IPO9: variants seen among roughly 807,000 people sequenced by gnomAD.
IPO9 encodes the protein importin 9.
IPO9 carries 28 observed loss-of-function variants against 128.6 expected under a neutral mutation model. The ratio of observed to expected loss-of-function variants is 0.22; its 90% CI spans 0.16 to 0.30. The LOEUF is 0.30. Among genes scored for constraint, IPO9 ranks in the 10% least tolerant of loss-of-function variants. IPO9 has a pLI of 1.00. For missense variants in IPO9, 935 were observed against 1,293.9 expected (o/e 0.72, Z 4.26); for synonymous variants, 455 against 475.8 (o/e 0.96, Z 0.57).
At chr1:201,866,388 A>G (rs768623517) in intron 14 of IPO9, among the ~76,000 whole-genome samples, 4 of 152,220 alleles carry the variant, frequency 2.6e-5, no homozygotes, top group Admixed American at 6.5e-5. Context: ...CAGTAAAACT[A>G]TAGAGGGAAC....
intron 1 of IPO9, among the ~76,000 whole-genome samples, chr1:201,831,984 C>T (rs902767945): frequency 1.3e-5 from 2 of 152,020 alleles, no homozygotes; most frequent in Non-Finnish European, 2.9e-5. Context: ...TCACTGCAAC[C>T]TCCGCCTCCT....
intron 1 of IPO9, among the ~76,000 whole-genome samples, chr1:201,831,212 A>C (rs1300552829): frequency 6.6e-6 from 1 of 152,084 alleles, no homozygotes; most frequent in African/African-American, 2.4e-5. Context: ...AGAAGTACAG[A>C]ATTTTGATCT....
intron 19 of IPO9, among the ~76,000 whole-genome samples, chr1:201,871,897 A>G (rs958598112): frequency 6.6e-6 from 1 of 152,142 alleles, no homozygotes; most frequent in African/African-American, 2.4e-5. Context: ...TCTACCACAG[A>G]CTTCACACAG....
chr1:201,853,081 T>C lies in IPO9; in HGVS notation c.674T>C (p.Met225Thr), dbSNP rs758610598. The change falls in exon 6 of 24, where the codon ATG becomes ACG. Residue 225 changes from methionine to threonine, a missense_variant. By Grantham distance (81) the Met-to-Thr change is moderately conservative. Around this residue, in one of 3 missense-constraint regions of IPO9, gnomAD observed 741 missense variants for 1,019.1 expected, o/e 0.73. Transcript: ENST00000361565. ...ACTTGTGCCCATATGATCTGTAACA[T>C]GGAGGAGCTGGAAAAGGTAAGCAGG... is the stretch of plus-strand genomic sequence containing the variant. ...FTTCAHMICN[M>T]EELEKGAAKV... 18 of 1,613,968 alleles carry C rather than the reference T, an allele frequency of 1.1e-5. No homozygotes were observed. The highest frequency in any genetic ancestry group is 1.5e-5 in the Non-Finnish European group (18 of 1,179,980).
rs537109710 is a variant in IPO9, at chr1:201,832,792, G to A, written c.163+3420G>A. Among the ~76,000 whole-genome samples the A allele has an allele frequency of 7.9e-5, 12 of 152,296 alleles. 1 individual carries two copies. Among genetic ancestry groups the A allele is most frequent in the Admixed American group, 2.6e-4 (4 of 15,296 alleles). On this transcript the variant is annotated intron_variant, in intron 1 of 23. Coordinates refer to ENST00000361565, the MANE Select transcript of IPO9 (RefSeq NM_018085.5). ...CATGGTCTTTAAGATTAACTGGTCC[G>A]TTCCCTTTGCCAAAAACATTTGTTA... is the stretch of plus-strand genomic sequence containing the variant.
chr1:201,860,047 A>G (rs1334569683), intron 13 of IPO9, among the ~76,000 whole-genome samples: 1 of 151,836 alleles, frequency 6.6e-6, no homozygotes, highest in African/African-American at 2.4e-5. Flanking sequence ...TCTATGTGGC[A>G]TTTTCTGCTA....
chr1:201,862,912 T>C (rs1680475983), intron 13 of IPO9, among the ~76,000 whole-genome samples: 1 of 151,894 alleles, frequency 6.6e-6, no homozygotes, highest in South Asian at 2.1e-4. Context: ...ATATTCAAGA[T>C]CTACTTTGCT....
At chr1:201,861,607 A>G (rs1680449645) in intron 13 of IPO9, among the ~76,000 whole-genome samples, 1 of 152,246 alleles carries the variant, frequency 6.6e-6, no homozygotes, top group African/African-American at 2.4e-5. Flanking sequence ...ATCAGGAAGT[A>G]ACCCCATCAT....
chr1:201,879,714 C>G lies in IPO9; in HGVS notation c.*3660C>G, dbSNP rs1680849091. On this transcript the variant is annotated 3_prime_UTR_variant, in exon 24 of 24. Coordinates refer to ENST00000361565, the MANE Select transcript of IPO9 (RefSeq NM_018085.5). Reference sequence around the variant, plus strand: ...GTGCAGAGTTGAGGACTATAGAGTACTGTGCTGTCACTAACAGTATTGTGT... The same window carrying G: ...GTGCAGAGTTGAGGACTATAGAGTAGTGTGCTGTCACTAACAGTATTGTGT... 6.6e-6 allele frequency: 1 copy of G among 152,146 alleles called. No individual in the cohort carries two copies. Among genetic ancestry groups the G allele is most frequent in the African/African-American group, 2.4e-5 (1 of 41,426 alleles). 9.4% of individuals were successfully genotyped at this position (152,146 alleles called of 1,614,324 possible).
rs1371585793 is a variant in IPO9 at position 201,876,125 on chromosome 1, G to A, written c.*71G>A. 1.0e-6 allele frequency: 1 copy of A among 1,004,990 alleles called. No individual in the cohort carries two copies. Among genetic ancestry groups the A allele is most frequent in the Non-Finnish European group, 1.6e-6 (1 of 623,520 alleles). 62.3% of individuals were successfully genotyped at this position (1,004,990 alleles called of 1,614,324 possible). On this transcript the variant is annotated 3_prime_UTR_variant, in exon 24 of 24. Coordinates refer to ENST00000361565, the MANE Select transcript of IPO9 (RefSeq NM_018085.5). ...CCATTTTGCAGCCCTCACTGGCCTTGAGATGCACTTTCTTCTCAACCTAAA... is the reference window on the plus strand; with the variant it reads ...CCATTTTGCAGCCCTCACTGGCCTTAAGATGCACTTTCTTCTCAACCTAAA...
chr1:201,874,328 A>G lies in IPO9; in HGVS notation c.2789A>G (p.Glu930Gly). Residue 930 changes from glutamate (E) to glycine (G), a missense_variant, in exon 21 of 24, where the codon GAG (glutamate) becomes GGG (glycine). Physicochemically the swap from Glu to Gly is moderately conservative, Grantham distance 98. Around this residue, in one of 3 missense-constraint regions of IPO9, gnomAD observed 188 missense variants for 246.7 expected, o/e 0.76. Transcript: ENST00000361565. Reference protein sequence around the residue: ...LIINELSNVMEANAARQATPA... With the variant: ...LIINELSNVMGANAARQATPA... ...ATCAACGAGCTCTCCAACGTCATGG[A>G]GGCTAATGCCGCTCGCCAGGCCACT... 1 of 1,614,084 alleles carries G rather than the reference A, an allele frequency of 6.2e-7. No individual in the cohort carries two copies. Among genetic ancestry groups the G allele is most frequent in the Non-Finnish European group, 8.5e-7 (1 of 1,179,948 alleles).
At chr1:201,834,610 G>T (rs906132028) in intron 1 of IPO9, among the ~76,000 whole-genome samples, 3 of 152,116 alleles carry the variant, frequency 2.0e-5, no homozygotes, top group Non-Finnish European at 2.9e-5. Flanking sequence ...AATTCTTCGT[G>T]CCAGCATGCA....
rs559479562 is a variant in IPO9, at chr1:201,848,456, T to G, written c.376T>G (p.Ser126Ala). 6.2e-7 allele frequency: 1 copy of G among 1,614,196 alleles called. No individual in the cohort carries two copies. Among genetic ancestry groups the G allele is most frequent in the African/African-American group, 1.3e-5 (1 of 75,048 alleles). Reference protein sequence around the residue: ...GLRESISKVRSSVAYAVSAIA... With the variant: ...GLRESISKVRASVAYAVSAIA... ...GAGAGAATCGATAAGCAAAGTGCGC[T>G]CCAGTGTGGCCTATGCAGTGTCAGC... The change falls in exon 4 of 24, where the codon TCC (serine) becomes GCC (alanine). Residue 126 changes from serine to alanine, a missense_variant. By Grantham distance (99) the Ser-to-Ala change is moderately conservative. Coordinates refer to ENST00000361565, the MANE Select transcript of IPO9 (RefSeq NM_018085.5).
At position 201,854,892 on chromosome 1, in the gene IPO9, G is replaced by A. The variant is rs773346670; in HGVS notation, c.880G>A (p.Val294Ile). 1 of 1,610,536 alleles carries A rather than the reference G, an allele frequency of 6.2e-7. No homozygotes were observed. Among genetic ancestry groups the A allele is most frequent in the Non-Finnish European group, 8.5e-7 (1 of 1,178,968 alleles). Residue 294 changes from valine (V) to isoleucine (I), a missense_variant, in exon 8 of 24, where the codon GTT (valine) becomes ATT (isoleucine). Physicochemically the swap from Val to Ile is conservative, Grantham distance 29. Transcript: ENST00000361565. ...CTCCATGCAGCAGATTCTGCCTATT[G>A]TTTGGAACACCCTAACCGAGAGTGC... Reference protein sequence around the residue: ...VSSMQQILPIVWNTLTESAAF... With the variant: ...VSSMQQILPIIWNTLTESAAF...
chr1:201,878,823 A>C lies in IPO9; in HGVS notation c.*2769A>C, dbSNP rs997984784. The C allele has an allele frequency of 6.6e-6, 1 of 152,234 alleles. No individual in the cohort carries two copies. Among genetic ancestry groups the C allele is most frequent in the Admixed American group, 6.5e-5 (1 of 15,284 alleles). The allele number at this position is 152,234 out of a possible 1,614,324, so 9.4% of individuals were successfully genotyped here. A position where few individuals can be genotyped will look rare whatever the true frequency, so the allele number is the denominator to read the frequency against. ...AAAAAGATCTGTTGGAGGCCAGTAC[A>C]TGTTGACAGAAACTCTAGACCATAT... is the stretch of plus-strand genomic sequence containing the variant. On this transcript the variant is annotated 3_prime_UTR_variant, in exon 24 of 24. Coordinates refer to ENST00000361565, the MANE Select transcript of IPO9 (RefSeq NM_018085.5).
rs34369530 is a variant in IPO9 at position 201,875,590 on chromosome 1, C to CAA, written c.3016-340_3016-339dup. 1.0e-3 allele frequency among the ~76,000 whole-genome samples: 141 copies of CAA among 134,622 alleles called. No homozygotes were observed. The Middle Eastern group carries it at 0.016, about 15-fold the overall frequency. The allele number at this position is 134,622 out of a possible 152,430, so 88.3% of individuals were successfully genotyped here. A position where few individuals can be genotyped will look rare whatever the true frequency, so the allele number is the denominator to read the frequency against. On this transcript the variant is annotated intron_variant, in intron 23 of 23. Coordinates refer to ENST00000361565, the MANE Select transcript of IPO9 (RefSeq NM_018085.5). Reference sequence around the variant, plus strand: ...GGGCGACAAAGCAAGACCCTGTGTTCAAAAAAAAAAAAAAATCCATTTATA... The same window carrying CAA: ...GGGCGACAAAGCAAGACCCTGTGTTCAAAAAAAAAAAAAAAAATCCATTTATA...
chr1:201,843,327 T>G (rs1680068584), intron 1 of IPO9, among the ~76,000 whole-genome samples: 1 of 152,184 alleles, frequency 6.6e-6, no homozygotes, highest in Non-Finnish European at 1.5e-5. Flanking sequence ...GAATCATTCC[T>G]GCTTCCAGCA....
chr1:201,862,528 C>T (rs1055544343), intron 13 of IPO9, among the ~76,000 whole-genome samples: 5 of 151,554 alleles, frequency 3.3e-5, no homozygotes, highest in South Asian at 2.1e-4. Context: ...ATTAAGTGGG[C>T]GGGTACCATG....
rs780621165 is a variant in IPO9 at position 201,874,258 on chromosome 1, C to T, written c.2719C>T (p.Arg907Cys). The T allele has an allele frequency of 4.3e-6, 7 of 1,613,786 alleles. No individual in the cohort carries two copies. Among genetic ancestry groups the T allele is most frequent in the Admixed American group, 3.3e-5 (2 of 59,982 alleles). ...TTTTTCTTCCTTCCCAGACCCAGAA[C>T]GCTGGACAAACATTCCTTTGCTGGT... ...TRSKSAKNPE[R>C]WTNIPLLVKI... The change falls in exon 21 of 24, where the codon CGC (arginine) becomes TGC (cysteine). Residue 907 changes from arginine (R) to cysteine (C), a missense_variant. Arg to Cys is a radical substitution (Grantham distance 180). Coordinates refer to ENST00000361565, the MANE Select transcript of IPO9 (RefSeq NM_018085.5).
Sources: gnomAD v4.1 joint callset for allele counts (sites outside exome capture counted in the v4.1 genomes callset) on GRCh38, gnomAD v4.1.1 for gene constraint, gnomAD v4.1.1 regional missense constraint, MANE v1.5 for transcripts, NCBI Gene and HGNC (gene_info 2026-07-23, HGNC 2026-07-21) for gene names.